The following CD96 variants were observed in gnomAD, a reference collection of about 807,000 sequenced individuals.
CD96 encodes CD96 molecule.
Under a neutral mutation model 71.3 loss-of-function variants are expected in CD96, and 70 were observed. That is an observed-to-expected ratio of 0.98 (90% CI 0.81 to 1.20). The LOEUF (loss-of-function observed/expected upper bound fraction) is 1.20, where lower values mean the gene tolerates loss of function less well. Among genes scored for constraint, CD96 ranks in the 50% most tolerant of loss-of-function variants. CD96 has a pLI of 0.00. For missense variants in CD96, 742 were observed against 677.5 expected (o/e 1.10, Z -1.06); for synonymous variants, 248 against 233.0 (o/e 1.06, Z -0.59).
chr3:111,549,701 T>G (rs990915128), intron 2 of CD96, among the ~76,000 whole-genome samples: 7 of 151,962 alleles, frequency 4.6e-5, no homozygotes, highest in Admixed American at 1.3e-4. Flanking sequence ...AAGGAAGGAA[T>G]AAAAAGCAGC....
At chr3:111,664,201 C>CAT (rs57550506) in intron 14 of CD96, among the ~76,000 whole-genome samples, 139,951 of 152,126 alleles carry the variant, frequency 0.92, 64,739 homozygotes, top group Middle Eastern at 0.98. Context: ...ACCAAAAAGA[C>CAT]GTGCAAATGT....
chr3:111,643,961 T>G (rs11914473), intron 12 of CD96, among the ~76,000 whole-genome samples: 14,311 of 152,170 alleles, frequency 0.094, 1,056 homozygotes, highest in East Asian at 0.26. Context: ...ACCACCATCA[T>G]TCTTTGCAGA....
At chr3:111,561,929 C>G (rs1321560048) in intron 2 of CD96, among the ~76,000 whole-genome samples, 1 of 150,946 alleles carries the variant, frequency 6.6e-6, no homozygotes, top group East Asian at 1.9e-4. Context: ...TTTTTTAAGC[C>G]GGTCTGAAAA....
intron 3 of CD96, chr3:111,570,970 C>T (rs1238186125): frequency 2.0e-6 from 3 of 1,537,394 alleles, no homozygotes; most frequent in South Asian, 1.1e-5. Context: ...TCTGAGGCCA[C>T]CAGAGTGAAA....
At chr3:111,550,944 A>G (rs1439117268) in intron 2 of CD96, among the ~76,000 whole-genome samples, 1 of 152,176 alleles carries the variant, frequency 6.6e-6, no homozygotes, top group Non-Finnish European at 1.5e-5. Context: ...CCACATTTGG[A>G]TTCCTTTTTA....
chr3:111,640,583 A>G (rs1443242236), intron 12 of CD96, among the ~76,000 whole-genome samples: 1 of 152,196 alleles, frequency 6.6e-6, no homozygotes, highest in Non-Finnish European at 1.5e-5. Flanking sequence ...AATCAAGGAA[A>G]ACTTCCCCAG....
chr3:111,615,957 C>T (rs1287768625), intron 8 of CD96, among the ~76,000 whole-genome samples: 1 of 152,084 alleles, frequency 6.6e-6, no homozygotes, highest in African/African-American at 2.4e-5. Context: ...AAATTCTTCC[C>T]CCAAATATCT....
chr3:111,620,940 T>C (rs1463085169), intron 8 of CD96, among the ~76,000 whole-genome samples: 1 of 152,234 alleles, frequency 6.6e-6, no homozygotes, highest in Non-Finnish European at 1.5e-5. Flanking sequence ...CACATTATTT[T>C]CTGACCTCCA....
intron 10 of CD96, 92 bp from the exon 11 acceptor site, chr3:111,637,104 T>A (rs1939365084): frequency 2.7e-6 from 2 of 751,032 alleles, no homozygotes; most frequent in East Asian, 2.7e-5. Flanking sequence ...CTCATTAATA[T>A]CCTTTTTTAT....
At chr3:111,548,180 T>C (rs1209396267) in intron 2 of CD96, among the ~76,000 whole-genome samples, 4 of 152,154 alleles carry the variant, frequency 2.6e-5, no homozygotes, top group Non-Finnish European at 5.9e-5. Context: ...GAACCTAATT[T>C]GAAAATGCTG....
rs768875471 is a variant in CD96 at position 111,562,176 on chromosome 3, GCT to G, written c.419-5345_419-5344del. Among the ~76,000 whole-genome samples the G allele has an allele frequency of 4.6e-5, 7 of 152,304 alleles. No homozygotes were observed. In the East Asian group the frequency reaches 1.4e-3, roughly 29 times the overall value. On this transcript the variant is annotated intron_variant, in intron 2 of 13. Transcript: ENST00000352690. ...GCAGAAATCACCGGTCTTCTGCGTC[GCT>G]CACGTTGGGAGCTGTAGACCGGAGC...
chr3:111,659,780 T>G (rs1940312817), intron 14 of CD96, among the ~76,000 whole-genome samples: 1 of 152,132 alleles, frequency 6.6e-6, no homozygotes, highest in Admixed American at 6.5e-5. Flanking sequence ...AAGAGACATA[T>G]GATCATCTCA....
intron 3 of CD96, among the ~76,000 whole-genome samples, chr3:111,578,572 G>A (rs949244920): frequency 2.0e-5 from 3 of 152,200 alleles, no homozygotes; most frequent in South Asian, 4.1e-4. Context: ...TCGGGGAGGA[G>A]CTGACAAAGA....
intron 3 of CD96, among the ~76,000 whole-genome samples, chr3:111,574,089 T>C (rs907847708): frequency 6.6e-5 from 10 of 151,982 alleles, no homozygotes; most frequent in Non-Finnish European, 1.5e-4. Flanking sequence ...AAAAAAGGAG[T>C]AGCAATCAAT....
chr3:111,612,541 A>G (rs1175849587), intron 8 of CD96, among the ~76,000 whole-genome samples: 2 of 152,216 alleles, frequency 1.3e-5, no homozygotes, highest in African/African-American at 2.4e-5. Context: ...CCTCCCAACA[A>G]CACAATTACT....
At chr3:111,597,589 G>T (rs1937317186) in intron 5 of CD96, among the ~76,000 whole-genome samples, 2 of 152,168 alleles carry the variant, frequency 1.3e-5, no homozygotes, top group South Asian at 4.1e-4. Flanking sequence ...TTAAGCCAAT[G>T]AATTGTTTTT....
chr3:111,582,328 T>C (rs1210571902), intron 4 of CD96, among the ~76,000 whole-genome samples: 1 of 152,200 alleles, frequency 6.6e-6, no homozygotes, highest in Non-Finnish European at 1.5e-5. Flanking sequence ...CTCAAGAATT[T>C]ACTTGAAGCC....
chr3:111,561,010 A>T (rs62273556), intron 2 of CD96, among the ~76,000 whole-genome samples: 1,394 of 130,756 alleles, frequency 0.011, no homozygotes, highest in African/African-American at 0.016. Context: ...TTGGCTCCTG[A>T]GGCTTCTGCA....
intron 1 of CD96, among the ~76,000 whole-genome samples, chr3:111,543,847 T>G (rs1005003467): frequency 2.6e-5 from 4 of 152,244 alleles, no homozygotes; most frequent in South Asian, 4.1e-4. Flanking sequence ...TTCTCAGAAT[T>G]GTCACGGGTT....
Sources: gnomAD v4.1 joint callset for allele counts (sites outside exome capture counted in the v4.1 genomes callset) on GRCh38, gnomAD v4.1.1 for gene constraint, MANE v1.5 for transcripts, NCBI Gene and HGNC (gene_info 2026-07-23, HGNC 2026-07-21) for gene names.